ACMSD: variants seen among roughly 807,000 people sequenced by gnomAD.
ACMSD encodes 2-amino-3-carboxymuconate-6-semialdehyde decarboxylase.
Under a neutral mutation model 45.9 loss-of-function variants are expected in ACMSD, and 37 were observed. The ratio of observed to expected loss-of-function variants is 0.81; its 90% CI spans 0.62 to 1.06. ACMSD has a LOEUF of 1.06. Among genes scored for constraint, ACMSD ranks in the 50% least tolerant of loss-of-function variants. The pLI, the probability that ACMSD is intolerant of heterozygous loss-of-function variation, is 0.00. For synonymous variants in ACMSD, 138 were observed against 148.8 expected, an observed-to-expected ratio of 0.93 and a Z score of 0.53; for missense variants, 434 against 420.9, an observed-to-expected ratio of 1.03 and a Z score of -0.27.
At chr2:134,885,305 A>AT (rs1689299177) in intron 8 of ACMSD, among the ~76,000 whole-genome samples, 2 of 49,428 alleles carry the variant, frequency 4.0e-5, no homozygotes, top group South Asian at 9.9e-4. Flanking sequence ...ATATATATTT[A>AT]AATATATATA....
intron 1 of ACMSD, among the ~76,000 whole-genome samples, chr2:134,840,177 AAAAAAAAAAAAAAAAAC>A (rs1686723911): frequency 7.1e-6 from 1 of 140,844 alleles, no homozygotes; most frequent in Non-Finnish European, 1.5e-5. Context: ...CAAAAAAAAA[AAAAAAAAAAAAAAAAAC>A]CACTAATTCC....
chr2:134,865,919 T>C (rs907363491), intron 5 of ACMSD, among the ~76,000 whole-genome samples: 1 of 152,164 alleles, frequency 6.6e-6, no homozygotes, highest in Non-Finnish European at 1.5e-5. Context: ...TTAGTTTTCT[T>C]CTCCATAAAA....
chr2:134,840,596 G>A (rs1686761288), intron 1 of ACMSD, among the ~76,000 whole-genome samples: 1 of 152,102 alleles, frequency 6.6e-6, no homozygotes, highest in Non-Finnish European at 1.5e-5. Context: ...GCCACGTGAG[G>A]GCACAGCAAG....
chr2:134,876,311 AT>A (rs1188392676), intron 8 of ACMSD, among the ~76,000 whole-genome samples: 1 of 152,170 alleles, frequency 6.6e-6, no homozygotes, highest in Non-Finnish European at 1.5e-5. Flanking sequence ...ACTTTTTAAA[AT>A]TTTTTAAACT....
rs114840694 is a variant in ACMSD at position 134,882,652 on chromosome 2, A to T, written c.849+10011A>T. ...GAAATTATGTCTCAGGGAACAAACTAAATCTCTGGTATGCTAGAATTTTTG... is the reference window on the plus strand; with the variant it reads ...GAAATTATGTCTCAGGGAACAAACTTAATCTCTGGTATGCTAGAATTTTTG... On this transcript the variant is annotated intron_variant, in intron 8 of 9. Coordinates refer to ENST00000356140, the MANE Select transcript of ACMSD (RefSeq NM_138326.3). Among the ~76,000 whole-genome samples, 1,289 of 152,358 alleles carry T rather than the reference A, an allele frequency of 8.5e-3. 17 individuals carry two copies. The highest frequency in any genetic ancestry group is 0.03 in the African/African-American group (1,230 of 41,584).
rs763795096 is a variant in ACMSD, at chr2:134,871,860, CAGAT to C, written c.677-606_677-603del. ...ATTTCATGGATATGCCATCATGACT[CAGAT>C]AGCCCCCGACTGATAGGTTGTCTCA... On this transcript the variant is annotated intron_variant, in intron 7 of 9. Coordinates refer to ENST00000356140, the MANE Select transcript of ACMSD (RefSeq NM_138326.3). Among the ~76,000 whole-genome samples the C allele has an allele frequency of 5.9e-5, 9 of 152,104 alleles. No individual in the cohort carries two copies. In the East Asian group the frequency reaches 1.2e-3, roughly 20 times the overall value.
rs548040368 is a variant in ACMSD, at chr2:134,886,287, C to T, written c.850-12054C>T. Reference sequence around the variant, plus strand: ...TTTTTTTGGCAGAGTCTCGCTCTGCCGCCCAGGCTGACGTGCAGTGGCGCC... The same window carrying T: ...TTTTTTTGGCAGAGTCTCGCTCTGCTGCCCAGGCTGACGTGCAGTGGCGCC... On this transcript the variant is annotated intron_variant, in intron 8 of 9. Coordinates refer to ENST00000356140, the MANE Select transcript of ACMSD (RefSeq NM_138326.3). 1.4e-3 allele frequency among the ~76,000 whole-genome samples: 197 copies of T among 137,778 alleles called. 1 individual carries two copies. Among genetic ancestry groups the T allele is most frequent in the African/African-American group, 5.3e-3 (185 of 34,588 alleles). 90.4% of individuals were successfully genotyped at this position (137,778 alleles called of 152,430 possible). A position where few individuals can be genotyped will look rare whatever the true frequency, so the allele number is the denominator to read the frequency against.
intron 2 of ACMSD, among the ~76,000 whole-genome samples, chr2:134,850,478 G>C (rs895403265): frequency 6.6e-6 from 1 of 152,078 alleles, no homozygotes. Flanking sequence ...ATGTCGGTCA[G>C]GCTGGTCTCT....
chr2:134,880,771 T>C (rs1239028513), intron 8 of ACMSD, among the ~76,000 whole-genome samples: 1 of 152,232 alleles, frequency 6.6e-6, no homozygotes, highest in African/African-American at 2.4e-5. Context: ...CATGTGTCTA[T>C]ACTTTTTGAG....
At chr2:134,883,265 C>CA (rs200919806) in intron 8 of ACMSD, among the ~76,000 whole-genome samples, 4,924 of 141,764 alleles carry the variant, frequency 0.035, 113 homozygotes, top group Non-Finnish European at 0.051. Context: ...GGATCACAGA[C>CA]AAAAAAAAAA....
In ACMSD at chr2:134,880,435, A is replaced by G. The variant is rs552774885; in HGVS notation, c.849+7794A>G. On this transcript the variant is annotated intron_variant, in intron 8 of 9. Transcript: ENST00000356140. ...TCTGCTTTTTCTCTCTAGAATTCCT[A>G]TTGTTCTAAAGTAGAACCTATTTTT... Among the ~76,000 whole-genome samples, 6 of 152,074 alleles carry G rather than the reference A, an allele frequency of 3.9e-5. 1 individual carries two copies. The South Asian group carries it at 1.0e-3, about 26-fold the overall frequency.
intron 2 of ACMSD, among the ~76,000 whole-genome samples, chr2:134,858,217 C>A (rs1368609925): frequency 6.6e-6 from 1 of 152,060 alleles, no homozygotes; most frequent in Non-Finnish European, 1.5e-5. Flanking sequence ...AAAGGAAATT[C>A]TATCATTTAC....
At chr2:134,885,256 A>T (rs1204475994) in intron 8 of ACMSD, among the ~76,000 whole-genome samples, 2 of 108,808 alleles carry the variant, frequency 1.8e-5, no homozygotes, top group Non-Finnish European at 3.4e-5. Context: ...ATTTATATAT[A>T]ATATATATAT....
rs557656286 is a variant in ACMSD, at chr2:134,867,020, T to C, written c.487-559T>C. ...CAGTGCTGGGCTCTGAGTAACCAGGTGGCTTGGGTCAGGCCAGCCAGCCCC... is the reference window on the plus strand; with the variant it reads ...CAGTGCTGGGCTCTGAGTAACCAGGCGGCTTGGGTCAGGCCAGCCAGCCCC... On this transcript the variant is annotated intron_variant, in intron 5 of 9. Transcript: ENST00000356140. 7.2e-5 allele frequency among the ~76,000 whole-genome samples: 11 copies of C among 152,328 alleles called. No homozygotes were observed. The South Asian group carries it at 2.3e-3, about 32-fold the overall frequency.
At chr2:134,881,440 T>C (rs528896708) in intron 8 of ACMSD, among the ~76,000 whole-genome samples, 1 of 152,346 alleles carries the variant, frequency 6.6e-6, no homozygotes, top group South Asian at 2.1e-4. Flanking sequence ...GATATGATCT[T>C]GTCTTGGGCA....
At chr2:134,888,241 T>A (rs963793427) in intron 8 of ACMSD, among the ~76,000 whole-genome samples, 6 of 152,122 alleles carry the variant, frequency 3.9e-5, no homozygotes, top group Non-Finnish European at 8.8e-5. Context: ...AAAAAGAAGG[T>A]AACAATTAGC....
chr2:134,855,921 CA>C (rs1328220681), intron 2 of ACMSD, among the ~76,000 whole-genome samples: 2 of 152,090 alleles, frequency 1.3e-5, no homozygotes, highest in Non-Finnish European at 2.9e-5. Context: ...AGGACTCCAC[CA>C]AGCAGAGCTC....
At chr2:134,896,389 T>C (rs1172779753) in intron 8 of ACMSD, among the ~76,000 whole-genome samples, 1 of 152,126 alleles carries the variant, frequency 6.6e-6, no homozygotes, top group Non-Finnish European at 1.5e-5. Flanking sequence ...GGAGAAAATA[T>C]TTGCAAATCA....
chr2:134,899,611 T>C (rs1690382586), intron 9 of ACMSD, among the ~76,000 whole-genome samples: 1 of 152,172 alleles, frequency 6.6e-6, no homozygotes, highest in Non-Finnish European at 1.5e-5. Flanking sequence ...ACATGCCTTT[T>C]ATTGTTTATT....
Sources: gnomAD v4.1 joint callset for allele counts (sites outside exome capture counted in the v4.1 genomes callset) on GRCh38, gnomAD v4.1.1 for gene constraint, MANE v1.5 for transcripts, NCBI Gene and HGNC (gene_info 2026-07-23, HGNC 2026-07-21) for gene names.